The following ERCC6L2 variants were observed in gnomAD, a reference collection of about 807,000 sequenced individuals.
ERCC6L2 encodes the protein ERCC excision repair 6 like 2, also known as DNA excision repair protein ERCC-6-like 2.
ERCC6L2 carries 77 observed loss-of-function variants against 132.0 expected under a neutral mutation model. The ratio of observed to expected loss-of-function variants is 0.58; its 90% CI spans 0.49 to 0.71. The LOEUF (loss-of-function observed/expected upper bound fraction) is 0.71. ERCC6L2 is among the 30% of genes least tolerant of loss of function. The probability of loss-of-function intolerance (pLI) is 0.00; values close to 1 mark genes in which losing one functional copy is unlikely to be tolerated. For synonymous variants in ERCC6L2, 583 were observed against 632.4 expected (o/e 0.92, Z 1.17); for missense variants, 1,542 against 1,837.6 (o/e 0.84, Z 2.94).
intron 19 of ERCC6L2, among the ~76,000 whole-genome samples, chr9:96,033,054 A>C (rs962393884): frequency 1.3e-5 from 2 of 152,218 alleles, no homozygotes; most frequent in African/African-American, 4.8e-5. Flanking sequence ...AAAGTGCTTA[A>C]ATCCTATAAA....
intron 17 of ERCC6L2, among the ~76,000 whole-genome samples, chr9:96,002,823 G>A (rs928538843): frequency 2.0e-4 from 30 of 152,082 alleles, no homozygotes; most frequent in African/African-American, 6.8e-4. Context: ...CAAAATGCAG[G>A]TTTATTTTCA....
intron 2 of ERCC6L2, among the ~76,000 whole-genome samples, chr9:95,891,030 T>G (rs1828132651): frequency 6.6e-6 from 1 of 152,156 alleles, no homozygotes; most frequent in Non-Finnish European, 1.5e-5. Context: ...CTGACCAACA[T>G]GGAGAAACTC....
chr9:95,921,417 C>A, intron 7 of ERCC6L2, 102 bp downstream of exon 7: 2 of 907,064 alleles, frequency 2.2e-6, no homozygotes, highest in Non-Finnish European at 3.1e-6. Context: ...TTTCCTCAGA[C>A]AGTTCTTTAA....
chr9:96,029,766 T>C (rs1834430479), intron 19 of ERCC6L2, among the ~76,000 whole-genome samples: 1 of 152,228 alleles, frequency 6.6e-6, no homozygotes, highest in Non-Finnish European at 1.5e-5. Context: ...TCTGTATTGA[T>C]CATGGGTTTT....
Position 96,014,626 on chromosome 9 carries a change from G to A in ERCC6L2, c.*1423G>A, listed in dbSNP as rs1292711085. On this transcript the variant is annotated 3_prime_UTR_variant, in exon 19 of 19. Transcript: ENST00000653738. Reference sequence around the variant, plus strand: ...TTCTAGGATTGTGTTTGGTAGGGCAGTGGGTTTGTGTGTGTGTTAATCCTC... The same window carrying A: ...TTCTAGGATTGTGTTTGGTAGGGCAATGGGTTTGTGTGTGTGTTAATCCTC... The A allele has an allele frequency of 6.6e-6, 1 of 152,222 alleles. No homozygotes were observed. Among genetic ancestry groups the A allele is most frequent in the Admixed American group, 6.5e-5 (1 of 15,290 alleles). 9.4% of individuals were successfully genotyped at this position (152,222 alleles called of 1,614,324 possible). A position where few individuals can be genotyped will look rare whatever the true frequency, so the allele number is the denominator to read the frequency against.
chr9:95,923,365 A>G lies in ERCC6L2; in HGVS notation c.1519A>G (p.Ser507Gly). ...AFETLSDPKYSGKMKVLQQLL... is the reference protein window; with the variant it reads ...AFETLSDPKYGGKMKVLQQLL... ...TGAAACACTTTCTGACCCTAAATAC[A>G]GTGGAAAAATGAAGGTAAGTGCTCC... The change falls in exon 9 of 19, where the codon AGT (serine) becomes GGT (glycine). Residue 507 changes from serine (S) to glycine (G), a missense_variant. Around this residue, in one of 4 missense-constraint regions of ERCC6L2, gnomAD observed 945 missense variants for 1,105.2 expected, o/e 0.86. Coordinates refer to ENST00000653738, the MANE Select transcript of ERCC6L2 (RefSeq NM_020207.7). 1 of 1,613,070 alleles carries G rather than the reference A, an allele frequency of 6.2e-7. No individual in the cohort carries two copies. The highest frequency in any genetic ancestry group is 8.5e-7 in the Non-Finnish European group (1 of 1,179,460).
chr9:96,014,087 G>T lies in ERCC6L2; in HGVS notation c.*884G>T, dbSNP rs1834123281. ...AGCCTTTACTCAGCCCCTGTGTTCTGTGCTAGGAGCTTGAGCTCTACAGGT... is the reference window on the plus strand; with the variant it reads ...AGCCTTTACTCAGCCCCTGTGTTCTTTGCTAGGAGCTTGAGCTCTACAGGT... On this transcript the variant is annotated 3_prime_UTR_variant, in exon 19 of 19. Coordinates refer to ENST00000653738, the MANE Select transcript of ERCC6L2 (RefSeq NM_020207.7). The T allele has an allele frequency of 6.6e-6, 1 of 152,200 alleles. No individual in the cohort carries two copies. Among genetic ancestry groups the T allele is most frequent in the Non-Finnish European group, 1.5e-5 (1 of 68,036 alleles). 9.4% of individuals were successfully genotyped at this position (152,200 alleles called of 1,614,324 possible). A position where few individuals can be genotyped will look rare whatever the true frequency, so the allele number is the denominator to read the frequency against.
chr9:95,989,190 A>G (rs1312843339), intron 17 of ERCC6L2, among the ~76,000 whole-genome samples: 2 of 152,142 alleles, frequency 1.3e-5, no homozygotes, highest in Non-Finnish European at 2.9e-5. Flanking sequence ...TATTGAATCA[A>G]TCATACCTAT....
intron 12 of ERCC6L2, among the ~76,000 whole-genome samples, chr9:95,942,309 G>C (rs1469943173): frequency 1.4e-4 from 22 of 152,056 alleles, no homozygotes; most frequent in Admixed American, 1.4e-3. Flanking sequence ...TTATGAATGG[G>C]AAATGAAGAA....
intron 12 of ERCC6L2, among the ~76,000 whole-genome samples, chr9:95,947,301 C>G (rs1483679855): frequency 6.6e-6 from 1 of 152,164 alleles, no homozygotes; most frequent in East Asian, 1.9e-4. Context: ...AAGATCAAAC[C>G]AGCCACAGCA....
intron 13 of ERCC6L2, among the ~76,000 whole-genome samples, chr9:95,960,328 C>G (rs1831840950): frequency 6.6e-6 from 1 of 152,210 alleles, no homozygotes; most frequent in South Asian, 2.1e-4. Flanking sequence ...GAAAAAGGCA[C>G]TATAGCGGGC....
intron 6 of ERCC6L2, 68 bp downstream of exon 6, chr9:95,916,502 T>A (rs528306649): frequency 7.7e-7 from 1 of 1,304,292 alleles, no homozygotes; most frequent in East Asian, 2.6e-5. Flanking sequence ...TAAGAAAAAG[T>A]CTGTCTCCTG....
In ERCC6L2 at chr9:95,875,734, C is replaced by G. The variant is rs1046969510; in HGVS notation, c.-305C>G. On this transcript the variant is annotated 5_prime_UTR_variant, in exon 1 of 19. Coordinates refer to ENST00000653738, the MANE Select transcript of ERCC6L2 (RefSeq NM_020207.7). ...GGGGTCGCCTTGCCGGCCTCCTGTC[C>G]TCCTCCGGCGGCGGCGGAGCCCGAG... The G allele has an allele frequency of 2.8e-5, 13 of 463,436 alleles. No individual in the cohort carries two copies. The highest frequency in any genetic ancestry group is 5.1e-5 in the Non-Finnish European group (13 of 255,994). 28.7% of individuals were successfully genotyped at this position (463,436 alleles called of 1,614,324 possible). A position where few individuals can be genotyped will look rare whatever the true frequency, so the allele number is the denominator to read the frequency against.
At chr9:96,029,035 T>C (rs542735308) in intron 19 of ERCC6L2, among the ~76,000 whole-genome samples, 16 of 152,202 alleles carry the variant, frequency 1.1e-4, no homozygotes, top group Admixed American at 4.6e-4. Flanking sequence ...CTGGGCGCGG[T>C]GGCTCAGGCC....
chr9:95,883,889 A>G (rs16910346), intron 2 of ERCC6L2, among the ~76,000 whole-genome samples: 2,119 of 152,320 alleles, frequency 0.014, 48 homozygotes, highest in African/African-American at 0.049. Flanking sequence ...TGAGGGTACT[A>G]CATACAAAAA....
At chr9:95,888,210 A>AT (rs1486328060) in intron 2 of ERCC6L2, among the ~76,000 whole-genome samples, 1 of 151,910 alleles carries the variant, frequency 6.6e-6, no homozygotes, top group Non-Finnish European at 1.5e-5. Context: ...GAAATAGACA[A>AT]TTTTTGCTAT....
intron 3 of ERCC6L2, among the ~76,000 whole-genome samples, chr9:95,899,590 T>TTATA (rs150595611): frequency 0.026 from 3,599 of 138,302 alleles, 126 homozygotes; most frequent in African/African-American, 0.068. Context: ...TTTTTTCTCT[T>TTATA]TATATATATA....
chr9:95,956,870 C>G (rs562925428), intron 13 of ERCC6L2, among the ~76,000 whole-genome samples: 133 of 152,066 alleles, frequency 8.7e-4, no homozygotes, highest in African/African-American at 3.1e-3. Context: ...TAGCTGCCAG[C>G]CTTTGAGTAA....
chr9:95,935,538 G>T (rs1830516293), intron 11 of ERCC6L2, among the ~76,000 whole-genome samples: 1 of 152,138 alleles, frequency 6.6e-6, no homozygotes, highest in Non-Finnish European at 1.5e-5. Flanking sequence ...TAAAAGGATA[G>T]TTCAATACAG....
Sources: allele counts gnomAD v4.1 joint callset (sites outside exome capture counted in the v4.1 genomes callset), GRCh38; gene constraint gnomAD v4.1.1; regional missense constraint gnomAD v4.1.1; transcripts MANE v1.5; gene names NCBI Gene and HGNC (gene_info 2026-07-23, HGNC 2026-07-21).